The following COL12A1 variants were observed in gnomAD, a reference collection of about 807,000 sequenced individuals.
COL12A1 encodes the protein collagen type XII alpha 1 chain, also known as collagen alpha-1(XII) chain.
In COL12A1, 114 loss-of-function variants were observed where a neutral mutation model predicts 349.7. The observed-to-expected ratio is 0.33, with a 90% confidence interval of 0.28 to 0.38. The LOEUF (loss-of-function observed/expected upper bound fraction) is 0.38. Among genes scored for constraint, COL12A1 ranks in the 10% least tolerant of loss-of-function variants. The pLI is 1.00. For missense variants in COL12A1, 3,284 were observed against 3,756.9 expected, an observed-to-expected ratio of 0.87 and a Z score of 3.29; for synonymous variants, 1,369 against 1,329.0, an observed-to-expected ratio of 1.03 and a Z score of -0.66.
intron 47 of COL12A1, 55 bp from the exon 48 acceptor site, chr6:75,116,112 A>G (rs777631457): frequency 1.7e-5 from 26 of 1,531,398 alleles, no homozygotes; most frequent in Non-Finnish European, 2.3e-5. Flanking sequence ...TACAAATTAT[A>G]TATGCACAGA....
intron 8 of COL12A1, among the ~76,000 whole-genome samples, chr6:75,186,047 A>T (rs956754273): frequency 2.0e-5 from 3 of 152,234 alleles, no homozygotes; most frequent in African/African-American, 7.2e-5. Flanking sequence ...CATTCAGGAC[A>T]TAGGCCCTGG....
chr6:75,101,738 T>G (rs1768315655), intron 57 of COL12A1, 85 bp from the exon 58 acceptor site: 1 of 1,486,462 alleles, frequency 6.7e-7, no homozygotes, highest in Non-Finnish European at 9.2e-7. Context: ...AAATTTTTTT[T>G]TTAATTCCAG....
At chr6:75,179,956 C>T (rs1368215783) in intron 11 of COL12A1, among the ~76,000 whole-genome samples, 2 of 152,180 alleles carry the variant, frequency 1.3e-5, no homozygotes, top group Admixed American at 1.3e-4. Flanking sequence ...CAGCAATATT[C>T]ACAAAAGGTG....
At chr6:75,098,862 ATT>A (rs1285649993) in intron 58 of COL12A1, among the ~76,000 whole-genome samples, 3 of 152,116 alleles carry the variant, frequency 2.0e-5, no homozygotes, top group Non-Finnish European at 4.4e-5. Context: ...GTGCGCCCAC[ATT>A]TATATGTTAT....
chr6:75,099,632 ATTC>A (rs879941137), intron 58 of COL12A1, among the ~76,000 whole-genome samples: 58 of 151,120 alleles, frequency 3.8e-4, no homozygotes, highest in African/African-American at 1.2e-3. Context: ...ATTTTATTTT[ATTC>A]TTCATTTTTT....
Position 75,156,466 on chromosome 6 carries a change from A to C in COL12A1, c.3041T>G (p.Val1014Gly). The change falls in exon 15 of 66, where the codon GTT (valine) becomes GGT (glycine). Residue 1014 changes from valine (V) to glycine (G), a missense_variant. This residue lies in a region of COL12A1 where 2,601 missense variants were observed against 2,824.8 expected (regional missense o/e 0.92). Transcript: ENST00000322507. ...VDEETENTMR[V>G]TWKPAPGKVV... ...TTTCCCTGGTGCTGGTTTCCATGTA[A>C]CTCTCATTGTGTTTTCTGTTTCTTC... The C allele has an allele frequency of 1.2e-6, 2 of 1,613,630 alleles. No individual in the cohort carries two copies. Among genetic ancestry groups the C allele is most frequent in the South Asian group, 2.2e-5 (2 of 91,062 alleles).
chr6:75,157,759 G>A (rs963927728), intron 14 of COL12A1, among the ~76,000 whole-genome samples: 3 of 152,080 alleles, frequency 2.0e-5, no homozygotes, highest in Non-Finnish European at 4.4e-5. Context: ...CAGTGCACAT[G>A]TGTAAGAAAA....
At chr6:75,089,378 T>G (rs541784455) in intron 63 of COL12A1, among the ~76,000 whole-genome samples, 1 of 152,178 alleles carries the variant, frequency 6.6e-6, no homozygotes, top group Non-Finnish European at 1.5e-5. Context: ...AAAATTTGGC[T>G]ACAAGGCAGG....
chr6:75,123,856 G>A, intron 42 of COL12A1, 92 bp downstream of exon 42: 2 of 1,321,106 alleles, frequency 1.5e-6, no homozygotes, highest in Non-Finnish European at 2.1e-6. Flanking sequence ...CCTACGGAGA[G>A]GTACCTGCAC....
chr6:75,194,693 GC>G (rs1437690095), intron 3 of COL12A1, 137 bp downstream of exon 3: 7 of 535,554 alleles, frequency 1.3e-5, no homozygotes, highest in African/African-American at 5.8e-5. Flanking sequence ...CCTGAGTTCA[GC>G]AAATGTCTGG....
intron 2 of COL12A1, among the ~76,000 whole-genome samples, chr6:75,198,971 C>T (rs142958300): frequency 5.5e-4 from 83 of 152,244 alleles, no homozygotes; most frequent in Non-Finnish European, 7.4e-4. Flanking sequence ...TTTACATTTG[C>T]CATGCAAAAT....
chr6:75,199,254 C>G (rs1458306094), intron 2 of COL12A1, among the ~76,000 whole-genome samples: 1 of 152,040 alleles, frequency 6.6e-6, no homozygotes, highest in Admixed American at 6.6e-5. Flanking sequence ...ATTAGTTGAC[C>G]AAGTGATTCA....
chr6:75,178,315 A>AT (rs1302600496), intron 11 of COL12A1, among the ~76,000 whole-genome samples: 1 of 152,168 alleles, frequency 6.6e-6, no homozygotes, highest in Non-Finnish European at 1.5e-5. Flanking sequence ...CTCTTACTAC[A>AT]TTTTCTCACG....
intron 14 of COL12A1, among the ~76,000 whole-genome samples, chr6:75,161,526 A>T (rs1426651898): frequency 6.6e-6 from 1 of 152,184 alleles, no homozygotes; most frequent in Non-Finnish European, 1.5e-5. Flanking sequence ...CTTGTTCAAA[A>T]GAGGCCTCCC....
chr6:75,139,321 A>G (rs186548896), intron 27 of COL12A1, among the ~76,000 whole-genome samples: 85 of 152,344 alleles, frequency 5.6e-4, no homozygotes, highest in Non-Finnish European at 1.0e-4. Context: ...TCTCCAGTCT[A>G]TCAATAACCC....
chr6:75,124,079 T>C lies in COL12A1; in HGVS notation c.6740A>G (p.Glu2247Gly). The C allele has an allele frequency of 6.2e-7, 1 of 1,613,426 alleles. No individual in the cohort carries two copies. The highest frequency in any genetic ancestry group is 8.5e-7 in the Non-Finnish European group (1 of 1,179,492). The change falls in exon 42 of 66, where the codon GAA becomes GGA. Residue 2247 changes from glutamate to glycine, a missense_variant. Glu to Gly is a moderately conservative substitution (Grantham distance 98). Transcript: ENST00000322507. ...LSPADGTRGQEITVRGSETSH... is the reference protein window; with the variant it reads ...LSPADGTRGQGITVRGSETSH... ...GGTTTCTGATCCACGCACTGTAATT[T>C]CTTGTCCCCTTGTTCCTGATTATGA... is the stretch of plus-strand genomic sequence containing the variant.
intron 10 of COL12A1, among the ~76,000 whole-genome samples, 180 bp downstream of exon 10, chr6:75,182,870 A>C (rs976709135): frequency 1.2e-4 from 19 of 152,208 alleles, no homozygotes; most frequent in African/African-American, 4.6e-4. Context: ...AATATGATCC[A>C]TATCCAGGAG....
At chr6:75,097,164 T>A in intron 59 of COL12A1, 89 bp downstream of exon 59, 1 of 1,029,372 alleles carries the variant, frequency 9.7e-7, no homozygotes, top group Non-Finnish European at 1.5e-6. Flanking sequence ...ACAGCACAGA[T>A]GGAATGTGCT....
intron 3 of COL12A1, among the ~76,000 whole-genome samples, chr6:75,193,358 AC>A (rs1355878308): frequency 6.6e-6 from 1 of 152,164 alleles, no homozygotes; most frequent in Non-Finnish European, 1.5e-5. Context: ...TAAATTTTTT[AC>A]CCCTTTTTAA....
Sources: allele counts gnomAD v4.1 joint callset (sites outside exome capture counted in the v4.1 genomes callset), GRCh38; gene constraint gnomAD v4.1.1; regional missense constraint gnomAD v4.1.1; transcripts MANE v1.5; gene names NCBI Gene and HGNC (gene_info 2026-07-23, HGNC 2026-07-21).